Variants in SUCLA2 observed in about 807,000 individuals in gnomAD.
SUCLA2 encodes the protein succinate--CoA ligase [ADP-forming] subunit beta, mitochondrial.
In SUCLA2, 30 loss-of-function variants were observed where a neutral mutation model predicts 54.8. The observed-to-expected ratio is 0.55, with a 90% confidence interval of 0.41 to 0.74. The LOEUF (loss-of-function observed/expected upper bound fraction) is 0.74, where lower values mean the gene tolerates loss of function less well. Among genes scored for constraint, SUCLA2 ranks in the 30% least tolerant of loss-of-function variants. SUCLA2 has a pLI of 0.00. For synonymous variants in SUCLA2, 172 were observed against 188.9 expected (o/e 0.91, Z 0.74); for missense variants, 476 against 562.9 (o/e 0.85, Z 1.56).
intron 2 of SUCLA2, chr13:47,994,911 GT>G: frequency 1.0e-6 from 1 of 955,150 alleles, no homozygotes; most frequent in Non-Finnish European, 1.2e-6. Flanking sequence ...GAATCATTAA[GT>G]TTTTATAAGG....
At chr13:47,969,580 A>T (rs1231358692) in intron 5 of SUCLA2, among the ~76,000 whole-genome samples, 1 of 152,350 alleles carries the variant, frequency 6.6e-6, no homozygotes, top group East Asian at 1.9e-4. Flanking sequence ...TTCAAGTTCC[A>T]TGAGCAATTC....
rs1258608043 is a variant in SUCLA2 at position 47,954,237 on chromosome 13, A to C, written c.1010T>G (p.Leu337Arg). ...LAMATMDIIKLHGGTPANFLD... is the reference protein window; with the variant it reads ...LAMATMDIIKRHGGTPANFLD... The stretch of plus-strand genomic sequence containing the variant: ...GAAGTTGGCTGGAGTCCCTCCATGA[A>C]GTTTTATTATATCCATTGTGGCCAT... The change falls in exon 8 of 11, where the codon CTT (leucine) becomes CGT (arginine). Residue 337 changes from leucine to arginine, a missense_variant. Leu to Arg is a moderately radical substitution (Grantham distance 102, BLOSUM62 -2). Transcript: ENST00000646932. 6 of 1,613,854 alleles carry C rather than the reference A, an allele frequency of 3.7e-6. No individual in the cohort carries two copies. The highest frequency in any genetic ancestry group is 5.1e-6 in the Non-Finnish European group (6 of 1,179,884).
Position 47,954,276 on chromosome 13 carries a change from C to T in SUCLA2, c.971G>A (p.Gly324Asp), listed in dbSNP as rs1177939374. ...LDGNIGCLVN[G>D]AGLAMATMDI... The stretch of plus-strand genomic sequence containing the variant: ...CATTGTGGCCATAGCCAAACCAGCA[C>T]CATTTACTATATAGGGGAAAATGAT... Residue 324 changes from glycine (G) to aspartate (D), a missense_variant, in exon 8 of 11, where the codon GGT becomes GAT. Physicochemically the swap from Gly to Asp is moderately conservative, Grantham distance 94. Around this residue, in one of 2 missense-constraint regions of SUCLA2, gnomAD observed 342 missense variants for 444.2 expected, o/e 0.77. Transcript: ENST00000646932. 1.2e-6 allele frequency: 2 copies of T among 1,613,872 alleles called. No homozygotes were observed. Among genetic ancestry groups the T allele is most frequent in the East Asian group, 4.5e-5 (2 of 44,866 alleles).
chr13:47,999,584 GCAGTCCCAGC>G (rs1008107847), intron 1 of SUCLA2, among the ~76,000 whole-genome samples: 3 of 152,088 alleles, frequency 2.0e-5, no homozygotes, highest in Non-Finnish European at 4.4e-5. Flanking sequence ...GCAGGCGCCT[GCAGTCCCAGC>G]TACTAGGGAG....
At chr13:47,984,933 T>A (rs1950088959) in intron 4 of SUCLA2, among the ~76,000 whole-genome samples, 1 of 81,608 alleles carries the variant, frequency 1.2e-5, no homozygotes, top group Non-Finnish European at 3.2e-5. Flanking sequence ...GCAGTTGTTT[T>A]ACCAGAAAAA....
In SUCLA2 at chr13:47,968,659, A is replaced by G; in HGVS notation, c.738T>C (p.Leu246=). ...TCATGGTTGCATCGTATTTCAGAAA[A>G]AGGCTGTAAAGCTTGACCATGTTTT... is the stretch of plus-strand genomic sequence containing the variant. ...AAENMVKLYS[L]FLKYDATMIE... Residue 246 remains leucine, a synonymous_variant, in exon 6 of 11, where the codon CTT becomes CTC. Coordinates refer to ENST00000646932, the MANE Select transcript of SUCLA2 (RefSeq NM_003850.3). The G allele has an allele frequency of 6.2e-7, 1 of 1,611,910 alleles. No individual in the cohort carries two copies. Among genetic ancestry groups the G allele is most frequent in the Non-Finnish European group, 8.5e-7 (1 of 1,179,814 alleles).
chr13:47,965,872 C>T (rs959825161), intron 6 of SUCLA2, among the ~76,000 whole-genome samples: 2 of 152,104 alleles, frequency 1.3e-5, no homozygotes, highest in African/African-American at 4.8e-5. Context: ...CATGGTGAAA[C>T]CCCATCTCTA....
intron 6 of SUCLA2, among the ~76,000 whole-genome samples, chr13:47,964,667 C>G (rs1336034782): frequency 6.6e-6 from 1 of 152,084 alleles, no homozygotes; most frequent in Non-Finnish European, 1.5e-5. Context: ...ACCATCCTGG[C>G]TAACACGGTG....
chr13:47,968,284 T>C (rs984114140), intron 6 of SUCLA2, among the ~76,000 whole-genome samples: 1 of 152,216 alleles, frequency 6.6e-6, no homozygotes. Context: ...TTAAATCTTA[T>C]GTAACTTTAA....
rs954288711 is a variant in SUCLA2, at chr13:47,959,803, T to C, written c.803-5246A>G. On this transcript the variant is annotated intron_variant, in intron 6 of 10. Transcript: ENST00000646932. ...TTAAAGCTCTTAGTCTTGATGAAGG[T>C]AAAATAAGAAATACTGTAAAGAAAT... 5.3e-5 allele frequency among the ~76,000 whole-genome samples: 8 copies of C among 152,252 alleles called. No individual in the cohort carries two copies. In the East Asian group the frequency reaches 1.2e-3, roughly 22 times the overall value.
intron 1 of SUCLA2, chr13:48,000,878 T>A: frequency 8.0e-7 from 1 of 1,249,172 alleles, no homozygotes; most frequent in East Asian, 3.9e-5. Context: ...GAAAATGTCC[T>A]GACCCCCTCA....
At chr13:47,968,032 ATGT>A (rs1388774710) in intron 6 of SUCLA2, among the ~76,000 whole-genome samples, 1 of 152,222 alleles carries the variant, frequency 6.6e-6, no homozygotes, top group Non-Finnish European at 1.5e-5. Context: ...TCCCCAGGAT[ATGT>A]TATTAAGTGA....
intron 2 of SUCLA2, among the ~76,000 whole-genome samples, chr13:47,995,160 G>A (rs940250349): frequency 1.3e-5 from 2 of 152,070 alleles, no homozygotes; most frequent in Non-Finnish European, 2.9e-5. Context: ...TTTCAGACTA[G>A]CCTGGGCAAC....
chr13:47,953,507 T>C (rs1229585748), intron 8 of SUCLA2, among the ~76,000 whole-genome samples: 1 of 152,150 alleles, frequency 6.6e-6, no homozygotes, highest in Non-Finnish European at 1.5e-5. Flanking sequence ...ATATGGAAAA[T>C]AAGGCTGTAG....
At chr13:47,969,462 G>T (rs1029346570) in intron 5 of SUCLA2, among the ~76,000 whole-genome samples, 1 of 152,152 alleles carries the variant, frequency 6.6e-6, no homozygotes. Context: ...AGTCTTGAGG[G>T]ATTCCCAAAT....
chr13:47,968,476 T>A (rs567134898), intron 6 of SUCLA2, 119 bp downstream of exon 6: 599 of 1,173,706 alleles, frequency 5.1e-4, no homozygotes, highest in South Asian at 1.1e-3. Context: ...GATTTTTTTT[T>A]AAAAAGCTTC....
chr13:47,992,388 CA>C (rs35103136), intron 2 of SUCLA2, among the ~76,000 whole-genome samples: 16,990 of 92,870 alleles, frequency 0.18, 1,041 homozygotes, highest in African/African-American at 0.2. Context: ...ACAACGAAAG[CA>C]AAAAAAAAAA....
At chr13:47,965,830 C>T (rs1285714912) in intron 6 of SUCLA2, among the ~76,000 whole-genome samples, 1 of 152,174 alleles carries the variant, frequency 6.6e-6, no homozygotes, top group Non-Finnish European at 1.5e-5. Context: ...AGGCAGATCA[C>T]GAAGTCAGGA....
intron 1 of SUCLA2, among the ~76,000 whole-genome samples, chr13:47,997,738 A>G (rs745633296): frequency 1.3e-5 from 2 of 152,254 alleles, no homozygotes; most frequent in Non-Finnish European, 2.9e-5. Flanking sequence ...TACAGAATGC[A>G]GTATACTGAA....
Sources: allele counts gnomAD v4.1 joint callset (sites outside exome capture counted in the v4.1 genomes callset), GRCh38; gene constraint gnomAD v4.1.1; regional missense constraint gnomAD v4.1.1; transcripts MANE v1.5; gene names NCBI Gene and HGNC (gene_info 2026-07-23, HGNC 2026-07-21).